The following MYO1E variants were observed in gnomAD, a reference collection of about 807,000 sequenced individuals.
MYO1E encodes myosin IE, also known as unconventional myosin-Ie.
In MYO1E, 68 loss-of-function variants were observed where a neutral mutation model predicts 151.1. The ratio of observed to expected loss-of-function variants is 0.45; its 90% CI spans 0.37 to 0.55. MYO1E has a LOEUF of 0.55. MYO1E is among the 20% of genes least tolerant of loss of function. The pLI is 0.00. For synonymous variants in MYO1E, 601 were observed against 501.7 expected (o/e 1.20, Z -2.64); for missense variants, 1,363 against 1,389.3 (o/e 0.98, Z 0.30).
At chr15:59,234,262 G>GGATGGATGGATAGA (rs1566987695) in intron 5 of MYO1E, among the ~76,000 whole-genome samples, 17 of 134,186 alleles carry the variant, frequency 1.3e-4, no homozygotes, top group African/African-American at 5.8e-4. Flanking sequence ...GGATGGATGG[G>GGATGGATGGATAGA]TGCATGGATG....
intron 5 of MYO1E, among the ~76,000 whole-genome samples, 159 bp from the exon 6 acceptor site, chr15:59,231,950 C>T (rs763198879): frequency 6.6e-6 from 1 of 152,172 alleles, no homozygotes; most frequent in African/African-American, 2.4e-5. Flanking sequence ...ATTCTTTCAC[C>T]ATGACAGACC....
intron 22 of MYO1E, among the ~76,000 whole-genome samples, chr15:59,163,618 T>C (rs2079549718): frequency 6.6e-6 from 1 of 152,222 alleles, no homozygotes; most frequent in African/African-American, 2.4e-5. Flanking sequence ...AAGTCCAACT[T>C]GTGTTTTTAA....
Position 59,171,917 on chromosome 15 carries a change from C to G in MYO1E, c.2460G>C (p.Arg820=), listed in dbSNP as rs752803112. Residue 820 remains arginine, a synonymous_variant, in exon 22 of 28, where the codon CGG becomes CGC. Transcript: ENST00000288235. The part of the protein sequence containing the change: ...EVLKRKIEIE[R]ILSVSLSTMQ... ...CTCACCTGAGGGACACAGACAAGATCCGTTCTATCTCGATTTTCCGCTTCA... is the reference window on the plus strand; with the variant it reads ...CTCACCTGAGGGACACAGACAAGATGCGTTCTATCTCGATTTTCCGCTTCA... 1 of 1,614,074 alleles carries G rather than the reference C, an allele frequency of 6.2e-7. No homozygotes were observed.
intron 1 of MYO1E, among the ~76,000 whole-genome samples, chr15:59,301,392 C>T (rs1262620219): frequency 6.6e-6 from 1 of 152,206 alleles, no homozygotes; most frequent in African/African-American, 2.4e-5. Context: ...TGCCCTCATT[C>T]CCAGGAAATT....
chr15:59,298,131 T>C (rs943120063), intron 1 of MYO1E, among the ~76,000 whole-genome samples: 1 of 152,230 alleles, frequency 6.6e-6, no homozygotes, highest in African/African-American at 2.4e-5. Context: ...CTATTACAAA[T>C]GCAAAGTGAT....
At chr15:59,193,912 C>T (rs1459634468) in intron 17 of MYO1E, among the ~76,000 whole-genome samples, 1 of 152,142 alleles carries the variant, frequency 6.6e-6, no homozygotes, top group African/African-American at 2.4e-5. Flanking sequence ...GGTGGTGGCT[C>T]ACACCTGTAA....
chr15:59,221,997 T>C (rs1267438723), intron 9 of MYO1E, among the ~76,000 whole-genome samples: 1 of 152,330 alleles, frequency 6.6e-6, no homozygotes, highest in East Asian at 1.9e-4. Context: ...TTTAGAAACA[T>C]AGTTATCCTT....
chr15:59,138,299 T>C lies in MYO1E; in HGVS notation c.3149A>G (p.Lys1050Arg). Residue 1050 changes from lysine to arginine, a missense_variant, in exon 27 of 28, where the codon AAG becomes AGG. Coordinates refer to ENST00000288235, the MANE Select transcript of MYO1E (RefSeq NM_004998.4). ...GGRPKPQPKP[K>R]PQVPQCKALY... ...AGCCTTGCACTGTGGCACCTGAGGC[T>C]TGGGCTTGGGCTGGGGCTTGGGTCT... 1 of 1,614,208 alleles carries C rather than the reference T, an allele frequency of 6.2e-7. No individual in the cohort carries two copies. Among genetic ancestry groups the C allele is most frequent in the Non-Finnish European group, 8.5e-7 (1 of 1,180,022 alleles).
intron 17 of MYO1E, among the ~76,000 whole-genome samples, chr15:59,190,380 G>C (rs1342868535): frequency 2.6e-5 from 4 of 152,192 alleles, no homozygotes; most frequent in Admixed American, 1.3e-4. Context: ...GAGCTGAAAA[G>C]ACAATCAGAA....
chr15:59,200,831 A>G (rs2079796924), intron 16 of MYO1E, among the ~76,000 whole-genome samples: 1 of 151,506 alleles, frequency 6.6e-6, no homozygotes, highest in African/African-American at 2.4e-5. Flanking sequence ...GACTCTTAAG[A>G]TAGACTCCAT....
rs1290851184 is a variant in MYO1E at position 59,137,336 on chromosome 15, G to T, written c.*44C>A. 1 of 1,551,216 alleles carries T rather than the reference G, an allele frequency of 6.4e-7. No homozygotes were observed. The highest frequency in any genetic ancestry group is 8.9e-7 in the Non-Finnish European group (1 of 1,122,924). On this transcript the variant is annotated 3_prime_UTR_variant, in exon 28 of 28. Coordinates refer to ENST00000288235, the MANE Select transcript of MYO1E (RefSeq NM_004998.4). ...CCCTAAATATCCCCTCCCCTGGTCT[G>T]TGCCTGGAGCTCCTCTGCCCCATGT...
intron 16 of MYO1E, among the ~76,000 whole-genome samples, chr15:59,202,002 T>G (rs2079805295): frequency 6.6e-6 from 1 of 152,210 alleles, no homozygotes; most frequent in Non-Finnish European, 1.5e-5. Flanking sequence ...AAAACATGGC[T>G]CCGAACCATA....
chr15:59,238,676 A>C (rs2140359277), intron 4 of MYO1E, among the ~76,000 whole-genome samples: 1 of 152,170 alleles, frequency 6.6e-6, no homozygotes, highest in South Asian at 2.1e-4. Context: ...GGTTCAAATG[A>C]TTCTCCTGCC....
Position 59,224,736 on chromosome 15 carries a change from A to G in MYO1E, c.730T>C (p.Tyr244His). 1.2e-6 allele frequency: 2 copies of G among 1,614,184 alleles called. No individual in the cohort carries two copies. Among genetic ancestry groups the G allele is most frequent in the Non-Finnish European group, 1.7e-6 (2 of 1,180,030 alleles). The change falls in exon 8 of 28, where the codon TAC becomes CAC. Residue 244 changes from tyrosine to histidine, a missense_variant. By Grantham distance (83) the Tyr-to-His change is moderately conservative (BLOSUM62 2). Transcript: ENST00000288235. ...CTGTCGTCAATGTCATCAACCTTGT[A>G]TGAGCCCGAGAGGCTCAGGTAGTAA... ...YYYYLSLSGSYKVDDIDDRRE... is the reference protein window; with the variant it reads ...YYYYLSLSGSHKVDDIDDRRE...
chr15:59,290,602 G>A (rs2080413408), intron 1 of MYO1E, among the ~76,000 whole-genome samples: 2 of 152,316 alleles, frequency 1.3e-5, no homozygotes, highest in South Asian at 2.1e-4. Flanking sequence ...AAATTTTGCA[G>A]AGGTAATAGA....
chr15:59,361,446 A>G (rs1392695203), intron 1 of MYO1E, among the ~76,000 whole-genome samples: 2 of 152,150 alleles, frequency 1.3e-5, no homozygotes, highest in Admixed American at 6.5e-5. Context: ...ATGCGACTGT[A>G]TGTCAACTGT....
At chr15:59,179,319 A>G (rs78595738) in intron 18 of MYO1E, among the ~76,000 whole-genome samples, 3,655 of 152,080 alleles carry the variant, frequency 0.024, 115 homozygotes, top group East Asian at 0.05. Flanking sequence ...CCTTCAGAGC[A>G]TGTACTCTAA....
At chr15:59,229,125 C>T (rs2080010279) in intron 6 of MYO1E, among the ~76,000 whole-genome samples, 1 of 152,210 alleles carries the variant, frequency 6.6e-6, no homozygotes, top group African/African-American at 2.4e-5. Context: ...TACTTCAGTG[C>T]CTGTCCCCCA....
chr15:59,335,127 G>A (rs1034926387), intron 1 of MYO1E, among the ~76,000 whole-genome samples: 3 of 152,178 alleles, frequency 2.0e-5, no homozygotes, highest in Non-Finnish European at 4.4e-5. Flanking sequence ...CATTCTTGTG[G>A]CATCTAAGCC....
Sources: allele counts gnomAD v4.1 joint callset (sites outside exome capture counted in the v4.1 genomes callset), GRCh38; gene constraint gnomAD v4.1.1; transcripts MANE v1.5; gene names NCBI Gene and HGNC (gene_info 2026-07-23, HGNC 2026-07-21).